Variants in SCN2A observed in about 807,000 individuals in gnomAD.
SCN2A encodes sodium voltage-gated channel alpha subunit 2.
A neutral mutation model predicts 188.7 loss-of-function variants in SCN2A; 20 were observed. That is an observed-to-expected ratio of 0.11 (90% CI 0.07 to 0.15). The LOEUF (loss-of-function observed/expected upper bound fraction) is 0.15. Ranked by LOEUF, SCN2A falls within the 10% of genes least tolerant of loss-of-function variation. The pLI, the probability that SCN2A is intolerant of heterozygous loss-of-function variation, is 1.00. For missense variants in SCN2A, 1,278 were observed against 2,445.0 expected, an observed-to-expected ratio of 0.52 and a Z score of 10.07; for synonymous variants, 804 against 833.1, an observed-to-expected ratio of 0.97 and a Z score of 0.60.
At chr2:165,346,547 C>T (rs766011465) in intron 16 of SCN2A, among the ~76,000 whole-genome samples, 6 of 152,244 alleles carry the variant, frequency 3.9e-5, no homozygotes, top group Non-Finnish European at 7.4e-5. Context: ...TTGGCATGGG[C>T]AAAGACTTCA....
At chr2:165,387,505 A>C (rs972114900) in intron 26 of SCN2A, among the ~76,000 whole-genome samples, 1 of 152,178 alleles carries the variant, frequency 6.6e-6, no homozygotes, top group African/African-American at 2.4e-5. Context: ...GGGTGCAGAC[A>C]GTTTTCTGTG....
chr2:165,323,352 G>A lies in SCN2A; in HGVS notation c.1868G>A (p.Ser623Asn). The A allele has an allele frequency of 1.2e-6, 2 of 1,614,172 alleles. No homozygotes were observed. Among genetic ancestry groups the A allele is most frequent in the Non-Finnish European group, 1.7e-6 (2 of 1,180,016 alleles). Residue 623 changes from serine (S) to asparagine (N), a missense_variant, in exon 12 of 27, where the codon AGC (serine) becomes AAC (asparagine). By Grantham distance (46) the Ser-to-Asn change is conservative. Around this residue, in one of 17 missense-constraint regions of SCN2A, gnomAD observed 315 missense variants for 386.6 expected, o/e 0.81. Coordinates refer to ENST00000375437, the MANE Select transcript of SCN2A (RefSeq NM_001040142.2). ...CACAGACATGGAGAACGGCGCCACA[G>A]CAATGTCAGCCAGGCCAGCCGTGCC... ...VPHRHGERRHSNVSQASRASR... is the reference protein window; with the variant it reads ...VPHRHGERRHNNVSQASRASR...
intron 3 of SCN2A, among the ~76,000 whole-genome samples, chr2:165,299,684 T>G (rs1401431907): frequency 1.3e-5 from 2 of 152,194 alleles, no homozygotes; most frequent in African/African-American, 4.8e-5. Context: ...TCACAATAAT[T>G]TTGTCCTTTA....
intron 17 of SCN2A, among the ~76,000 whole-genome samples, chr2:165,361,912 G>A (rs1559388891): frequency 1.3e-5 from 2 of 152,020 alleles, no homozygotes; most frequent in East Asian, 1.9e-4. Context: ...AGAGTTGTTC[G>A]TCATTGCCCA....
intron 1 of SCN2A, among the ~76,000 whole-genome samples, chr2:165,287,809 G>A (rs1695918415): frequency 6.6e-6 from 1 of 152,116 alleles, no homozygotes; most frequent in South Asian, 2.1e-4. Context: ...GTGGACCTCT[G>A]GCAAAGGGAA....
intron 1 of SCN2A, among the ~76,000 whole-genome samples, chr2:165,255,889 A>AC (rs1402775654): frequency 2.6e-5 from 2 of 77,048 alleles, no homozygotes; most frequent in Non-Finnish European, 5.3e-5. Flanking sequence ...TTCCCCGCCC[A>AC]CCCCCCTTGG....
intron 3 of SCN2A, among the ~76,000 whole-genome samples, chr2:165,298,905 A>G (rs1194887658): frequency 6.6e-6 from 1 of 151,984 alleles, no homozygotes; most frequent in East Asian, 1.9e-4. Context: ...AGTGACTAGT[A>G]AGTCAGAGAT....
intron 3 of SCN2A, among the ~76,000 whole-genome samples, chr2:165,297,922 G>T (rs569642069): frequency 6.6e-6 from 1 of 152,236 alleles, no homozygotes; most frequent in Non-Finnish European, 1.5e-5. Context: ...TTGATTCCTT[G>T]AAATTAAATA....
intron 3 of SCN2A, among the ~76,000 whole-genome samples, chr2:165,307,153 A>C (rs1248366844): frequency 2.6e-5 from 4 of 152,124 alleles, no homozygotes; most frequent in Non-Finnish European, 4.4e-5. Flanking sequence ...TTGAGCATCT[A>C]TTACGCACTA....
chr2:165,360,737 A>C (rs1443716467), intron 17 of SCN2A, among the ~76,000 whole-genome samples: 2 of 152,010 alleles, frequency 1.3e-5, no homozygotes, highest in Non-Finnish European at 2.9e-5. Context: ...AAATAAGTAC[A>C]GGTAATTAAA....
At position 165,295,932 on chromosome 2, in the gene SCN2A, C is replaced by T. The variant is rs763906285; in HGVS notation, c.109C>T (p.Pro37Ser). The stretch of plus-strand genomic sequence containing the variant: ...CATTGCAGAAGAGAAAGCTAAGAGA[C>T]CCAAACAGGAACGCAAGGATGAGGA... The part of the protein sequence containing the change: ...QRIAEEKAKR[P>S]KQERKDEDDE... The change falls in exon 2 of 27, where the codon CCC (proline) becomes TCC (serine). Residue 37 changes from proline to serine, a missense_variant. Pro to Ser is a moderately conservative substitution (Grantham distance 74). This residue lies in a region of SCN2A where 141 missense variants were observed against 185.4 expected (regional missense o/e 0.76). Transcript: ENST00000375437. The T allele has an allele frequency of 3.1e-6, 5 of 1,614,046 alleles. No individual in the cohort carries two copies. In the South Asian group the frequency reaches 5.5e-5, roughly 18 times the overall value.
rs1173440971 is a variant in SCN2A, at chr2:165,391,358, T to C, written c.*1534T>C. On this transcript the variant is annotated 3_prime_UTR_variant, in exon 27 of 27. Coordinates refer to ENST00000375437, the MANE Select transcript of SCN2A (RefSeq NM_001040142.2). ...TTTAAAATATATGGTTAGAGTTTTC[T>C]AAGAAAATATAAATACTGTAAAAAG... 1 of 152,576 alleles carries C rather than the reference T, an allele frequency of 6.6e-6. No homozygotes were observed. The highest frequency in any genetic ancestry group is 1.5e-5 in the Non-Finnish European group (1 of 67,994). 9.5% of individuals were successfully genotyped at this position (152,576 alleles called of 1,614,324 possible).
chr2:165,374,681 C>T lies in SCN2A; in HGVS notation c.3973-4C>T. ...ACTTATTTTTCCTTCTCATCCTGTG[C>T]CAGGTTGTTGTAAATGCTCTTTTAG... On this transcript the variant is annotated splice_region_variant and splice_polypyrimidine_tract_variant and intron_variant, in intron 21 of 26. Coordinates refer to ENST00000375437, the MANE Select transcript of SCN2A (RefSeq NM_001040142.2). 6.2e-7 allele frequency: 1 copy of T among 1,612,672 alleles called. No homozygotes were observed. The highest frequency in any genetic ancestry group is 1.7e-4 in the Middle Eastern group (1 of 6,056).
rs925662739 is a variant in SCN2A, at chr2:165,265,468, GATCTATATATATATATATAT to G, written c.-52+25831_-52+25850del. Among the ~76,000 whole-genome samples the G allele has an allele frequency of 1.2e-3, 24 of 19,780 alleles. 2 individuals are homozygous for G. Among genetic ancestry groups the G allele is most frequent in the African/African-American group, 3.3e-3 (19 of 5,786 alleles). The allele number at this position is 19,780 out of a possible 152,430, so 13.0% of individuals were successfully genotyped here. A position where few individuals can be genotyped will look rare whatever the true frequency, so the allele number is the denominator to read the frequency against. On this transcript the variant is annotated intron_variant, in intron 1 of 26. Coordinates refer to ENST00000375437, the MANE Select transcript of SCN2A (RefSeq NM_001040142.2). ...CTCTAGGTTATGTGTTTACTCTGTT[GATCTATATATATATATATAT>G]ATATATATATATATATATATATATA...
chr2:165,369,049 G>T (rs901906311), intron 19 of SCN2A, among the ~76,000 whole-genome samples: 5 of 151,778 alleles, frequency 3.3e-5, no homozygotes, highest in African/African-American at 1.2e-4. Context: ...CCTTAACCTC[G>T]CAAGTAGCTG....
intron 1 of SCN2A, chr2:165,270,598 C>T (rs1695062121): frequency 6.6e-6 from 1 of 152,058 alleles, no homozygotes; most frequent in Non-Finnish European, 1.5e-5. Context: ...TGTAACTTGA[C>T]CAAGGCAAGA....
rs565847136 is a variant in SCN2A, at chr2:165,328,663, G to C, written c.2149+1679G>C. On this transcript the variant is annotated intron_variant, in intron 13 of 26. Coordinates refer to ENST00000375437, the MANE Select transcript of SCN2A (RefSeq NM_001040142.2). ...ACTTGCCAACTAATTAAGATTTGGA[G>C]TTCAAAATAAATGCACCCACACCTT... 1.3e-5 allele frequency: 3 copies of C among 231,620 alleles called. No homozygotes were observed. The South Asian group carries it at 4.7e-4, about 36-fold the overall frequency. The allele number at this position is 231,620 out of a possible 1,614,324, so 14.3% of individuals were successfully genotyped here. A position where few individuals can be genotyped will look rare whatever the true frequency, so the allele number is the denominator to read the frequency against.
chr2:165,322,087 C>A (rs901715977), intron 11 of SCN2A, among the ~76,000 whole-genome samples: 3 of 152,102 alleles, frequency 2.0e-5, no homozygotes, highest in African/African-American at 7.2e-5. Flanking sequence ...TTACCATGAC[C>A]ATGTCTTTCT....
chr2:165,306,470 A>G (rs1697137260), intron 3 of SCN2A, among the ~76,000 whole-genome samples: 1 of 151,434 alleles, frequency 6.6e-6, no homozygotes, highest in Non-Finnish European at 1.5e-5. Flanking sequence ...TGTTATAGCA[A>G]TAAAGAAAAA....
Sources: allele counts gnomAD v4.1 joint callset (sites outside exome capture counted in the v4.1 genomes callset), GRCh38; gene constraint gnomAD v4.1.1; regional missense constraint gnomAD v4.1.1; transcripts MANE v1.5; gene names NCBI Gene and HGNC (gene_info 2026-07-23, HGNC 2026-07-21).